The following NLRC5 variants were observed in gnomAD, a reference collection of about 807,000 sequenced individuals.
NLRC5 encodes NLR family CARD domain containing 5.
In NLRC5, 114 loss-of-function variants were observed where a neutral mutation model predicts 206.9. The ratio of observed to expected loss-of-function variants is 0.55; its 90% CI spans 0.47 to 0.64. NLRC5 has a LOEUF of 0.64. NLRC5 is among the 30% of genes least tolerant of loss of function. The pLI is 0.00. For synonymous variants in NLRC5, 952 were observed against 962.8 expected, an observed-to-expected ratio of 0.99 and a Z score of 0.21; for missense variants, 2,008 against 2,305.5, an observed-to-expected ratio of 0.87 and a Z score of 2.64.
intron 34 of NLRC5, 122 bp downstream of exon 34, chr16:57,066,736 C>A: frequency 1.2e-6 from 1 of 869,540 alleles, no homozygotes; most frequent in South Asian, 1.5e-5. Context: ...TTTACACAGG[C>A]TACAGAGGTC....
Position 57,028,297 on chromosome 16 carries a change from T to G in NLRC5, c.2160-5T>G. 1.2e-6 allele frequency: 2 copies of G among 1,613,314 alleles called. No individual in the cohort carries two copies. Among genetic ancestry groups the G allele is most frequent in the Non-Finnish European group, 1.7e-6 (2 of 1,179,234 alleles). On this transcript the variant is annotated splice_region_variant and splice_polypyrimidine_tract_variant and intron_variant, in intron 7 of 48. Transcript: ENST00000688547. Reference sequence around the variant, plus strand: ...TCCTCCCCACCATCTTTGCTTACTCTGTAGGTTAGCAGGAAGTAAAATCAC... The same window carrying G: ...TCCTCCCCACCATCTTTGCTTACTCGGTAGGTTAGCAGGAAGTAAAATCAC...
At chr16:57,066,831 G>T (rs765020399) in intron 34 of NLRC5, among the ~76,000 whole-genome samples, 1 of 152,122 alleles carries the variant, frequency 6.6e-6, no homozygotes, top group Non-Finnish European at 1.5e-5. Flanking sequence ...TCAGTTCCCC[G>T]AACACCATCT....
At chr16:57,025,252 C>G in intron 5 of NLRC5, 116 bp from the exon 6 acceptor site, 5 of 1,463,502 alleles carry the variant, frequency 3.4e-6, no homozygotes, top group Non-Finnish European at 4.5e-6. Context: ...CACCCTCACC[C>G]CATCATACAT....
chr16:57,057,613 G>A (rs181148719), intron 27 of NLRC5, among the ~76,000 whole-genome samples: 7 of 152,184 alleles, frequency 4.6e-5, no homozygotes, highest in Admixed American at 2.6e-4. Context: ...AAATGATGCC[G>A]GCCAAGGGCG....
At chr16:57,010,467 T>C (rs1400088250) in intron 1 of NLRC5, among the ~76,000 whole-genome samples, 5 of 152,186 alleles carry the variant, frequency 3.3e-5, no homozygotes, top group Non-Finnish European at 7.3e-5. Flanking sequence ...CTCAAACTCC[T>C]GGGCTCAAGC....
At chr16:57,023,901 T>G (rs1275626679) in intron 5 of NLRC5, 48 bp downstream of exon 5, 8 of 1,546,228 alleles carry the variant, frequency 5.2e-6, no homozygotes, top group Non-Finnish European at 7.1e-6. Context: ...TGGGGTTGCC[T>G]GGGGGCCAAG....
At position 57,079,546 on chromosome 16, in the gene NLRC5, C is replaced by T; in HGVS notation, c.5238C>T (p.Asp1746=). 6.2e-7 allele frequency: 1 copy of T among 1,613,892 alleles called. No homozygotes were observed. The highest frequency in any genetic ancestry group is 8.5e-7 in the Non-Finnish European group (1 of 1,179,768). ...ATCCCATGCCCTTCTCCATCCCCAGCCTGGTTTCCTGTAAGATTGACAACC... is the reference window on the plus strand; with the variant it reads ...ATCCCATGCCCTTCTCCATCCCCAGTCTGGTTTCCTGTAAGATTGACAACC... ...CMELPLLRQI[D]LVSCKIDNQT... Residue 1746 remains aspartate, a splice_region_variant and synonymous_variant, in exon 46 of 49, where the codon GAC becomes GAT. Transcript: ENST00000688547.
At chr16:57,047,910 T>C in intron 23 of NLRC5, 2 of 477,428 alleles carry the variant, frequency 4.2e-6, no homozygotes, top group Non-Finnish European at 7.6e-6. Flanking sequence ...CCTGTCCACC[T>C]CCAACCCCAC....
rs2060759145 is a variant in NLRC5, at chr16:57,022,299, A to G, written c.339A>G (p.Glu113=). 2 of 1,611,822 alleles carry G rather than the reference A, an allele frequency of 1.2e-6. No homozygotes were observed. The highest frequency in any genetic ancestry group is 1.7e-6 in the Non-Finnish European group (2 of 1,178,188). Reference sequence around the variant, plus strand: ...GAGCTGAGGGGAAAAGCCAACCTGAATCTCAGCTCCACCATGGTGAGGACT... The same window carrying G: ...GAGCTGAGGGGAAAAGCCAACCTGAGTCTCAGCTCCACCATGGTGAGGACT... ...QLGAEGKSQP[E]SQLHHGLKRP... The change falls in exon 4 of 49, where the codon GAA becomes GAG. Residue 113 remains glutamate (E), a synonymous_variant. Transcript: ENST00000688547.
At chr16:57,018,345 C>T (rs1361268566) in intron 2 of NLRC5, among the ~76,000 whole-genome samples, 1 of 152,254 alleles carries the variant, frequency 6.6e-6, no homozygotes, top group South Asian at 2.1e-4. Flanking sequence ...AACCTCAGTT[C>T]TCCTCCTGCC....
Position 57,066,521 on chromosome 16 carries a change from G to A in NLRC5, c.4242-13G>A, listed in dbSNP as rs1413850197. 2 of 1,613,542 alleles carry A rather than the reference G, an allele frequency of 1.2e-6. No homozygotes were observed. Among genetic ancestry groups the A allele is most frequent in the Non-Finnish European group, 1.7e-6 (2 of 1,179,788 alleles). On this transcript the variant is annotated splice_polypyrimidine_tract_variant and intron_variant, in intron 33 of 48. Coordinates refer to ENST00000688547, the MANE Select transcript of NLRC5 (RefSeq NM_001384950.1). ...GCTGCCCGACCTCACGTTGGTTACT[G>A]CTCACTCCTCAGCATCTCCGAGACC...
chr16:57,027,080 C>A (rs1411249208), intron 6 of NLRC5, 62 bp downstream of exon 6: 4 of 1,551,362 alleles, frequency 2.6e-6, no homozygotes, highest in South Asian at 2.4e-5. Flanking sequence ...AGAGGCCAAC[C>A]AGTCTAGCAA....
intron 3 of NLRC5, among the ~76,000 whole-genome samples, chr16:57,021,895 G>C (rs1406999529): frequency 6.6e-6 from 1 of 152,160 alleles, no homozygotes; most frequent in Non-Finnish European, 1.5e-5. Context: ...GCGGGGGGCG[G>C]GGCGGCGCAT....
intron 39 of NLRC5, among the ~76,000 whole-genome samples, chr16:57,076,537 G>A (rs2068425248): frequency 6.6e-6 from 1 of 152,224 alleles, no homozygotes; most frequent in Admixed American, 6.5e-5. Context: ...GACTCCTCCT[G>A]GGCCAGGGGC....
chr16:57,061,582 G>T, intron 31 of NLRC5, 36 bp from the exon 32 acceptor site: 1 of 1,609,040 alleles, frequency 6.2e-7, no homozygotes, highest in Non-Finnish European at 8.5e-7. Context: ...GGGGCACCCT[G>T]CCAGAGCCAC....
chr16:57,026,807 A>G lies in NLRC5; in HGVS notation c.1864A>G (p.Thr622Ala), dbSNP rs1165631519. ...AGAGCTGTGTCACTGTGTGGATGAG[A>G]CACAGGAGCCTGAGCTGGCCAGTCT... ...VVELCHCVDE[T>A]QEPELASLTA... is the part of the protein sequence containing the mutation. Residue 622 changes from threonine (T) to alanine (A), a missense_variant, in exon 6 of 49, where the codon ACA becomes GCA. Coordinates refer to ENST00000688547, the MANE Select transcript of NLRC5 (RefSeq NM_001384950.1). 3.1e-6 allele frequency: 5 copies of G among 1,614,172 alleles called. No individual in the cohort carries two copies. Among genetic ancestry groups the G allele is most frequent in the Non-Finnish European group, 4.2e-6 (5 of 1,180,012 alleles).
At chr16:57,037,121 G>T in intron 14 of NLRC5, 74 bp from the exon 15 acceptor site, 1 of 1,224,024 alleles carries the variant, frequency 8.2e-7, no homozygotes, top group South Asian at 1.2e-5. Flanking sequence ...CTGAGCCACA[G>T]GGAGGGGCTA....
At chr16:57,075,346 A>G (rs1322256567) in intron 39 of NLRC5, among the ~76,000 whole-genome samples, 1 of 152,192 alleles carries the variant, frequency 6.6e-6, no homozygotes, top group African/African-American at 2.4e-5. Flanking sequence ...CAGCCTCCCG[A>G]GTAGCCGGGA....
intron 16 of NLRC5, among the ~76,000 whole-genome samples, chr16:57,040,192 A>C (rs2063106802): frequency 6.6e-6 from 1 of 152,142 alleles, no homozygotes; most frequent in Non-Finnish European, 1.5e-5. Flanking sequence ...TCCTGGTCGG[A>C]ACTTCTGTAT....
Sources: gnomAD v4.1 joint callset for allele counts (sites outside exome capture counted in the v4.1 genomes callset) on GRCh38, gnomAD v4.1.1 for gene constraint, MANE v1.5 for transcripts, NCBI Gene and HGNC (gene_info 2026-07-23, HGNC 2026-07-21) for gene names.